The following RNLS variants were observed in gnomAD, a reference collection of about 807,000 sequenced individuals.
The protein encoded by RNLS is renalase, FAD dependent amine oxidase.
RNLS carries 39 observed loss-of-function variants against 39.8 expected under a neutral mutation model. That is an observed-to-expected ratio of 0.98 (90% CI 0.76 to 1.28). The LOEUF is 1.28. RNLS is among the 50% of genes most tolerant of loss of function. The pLI is 0.00. For synonymous variants in RNLS, 147 were observed against 150.7 expected (o/e 0.98, Z 0.18); for missense variants, 410 against 413.3 (o/e 0.99, Z 0.07).
the RNLS span, among the ~76,000 whole-genome samples, chr10:88,198,914 C>A: frequency 6.6e-6 from 1 of 152,136 alleles, no homozygotes; most frequent in Non-Finnish European, 1.5e-5. Context: ...ATTATTAATA[C>A]TAATAAAAGT....
chr10:88,387,502 CAAAAAAAAAAAAA>C (rs5786817), intron 4 of RNLS, among the ~76,000 whole-genome samples: 1 of 70,114 alleles, frequency 1.4e-5, no homozygotes. Context: ...GAGAACAGAG[CAAAAAAAAAAAAA>C]AAAAAAAAAG....
At chr10:88,305,435 G>T (rs1451950673) in intron 6 of RNLS, among the ~76,000 whole-genome samples, 2 of 152,114 alleles carry the variant, frequency 1.3e-5, no homozygotes, top group African/African-American at 4.8e-5. Context: ...CCATTATGCT[G>T]TCTTCAAGAG....
At chr10:88,306,811 C>G in intron 6 of RNLS, among the ~76,000 whole-genome samples, 1 of 152,246 alleles carries the variant, frequency 6.6e-6, no homozygotes, top group Middle Eastern at 3.4e-3. Flanking sequence ...AGGGACCCCT[C>G]CCTAACTCAT....
At chr10:88,174,193 A>G in the RNLS span, among the ~76,000 whole-genome samples, 3 of 152,146 alleles carry the variant, frequency 2.0e-5, no homozygotes, top group African/African-American at 7.2e-5. Context: ...GTCATCTGCA[A>G]AGAGAGACAA....
intron 5 of RNLS, among the ~76,000 whole-genome samples, chr10:88,316,958 T>C (rs1426618): frequency 0.46 from 69,916 of 151,912 alleles, 16,531 homozygotes; most frequent in South Asian, 0.61. Context: ...TTAAACGTGA[T>C]CAAAGTTTGA....
chr10:88,172,339 AT>A, the RNLS span, among the ~76,000 whole-genome samples: 2 of 151,728 alleles, frequency 1.3e-5, no homozygotes, highest in Non-Finnish European at 2.9e-5. Flanking sequence ...AGCATTTGAT[AT>A]TTTTTTTGTC....
the RNLS span, among the ~76,000 whole-genome samples, chr10:88,213,882 G>A: frequency 6.6e-6 from 1 of 152,070 alleles, no homozygotes; most frequent in East Asian, 1.9e-4. Context: ...TTTGATACTG[G>A]ATCTCTATAT....
chr10:88,466,540 T>C (rs1843214722), intron 4 of RNLS, among the ~76,000 whole-genome samples: 1 of 152,174 alleles, frequency 6.6e-6, no homozygotes, highest in Non-Finnish European at 1.5e-5. Context: ...ATGGGCTTCC[T>C]ATTGTTCAAT....
chr10:88,191,502 T>C, the RNLS span, among the ~76,000 whole-genome samples: 1 of 152,246 alleles, frequency 6.6e-6, no homozygotes, highest in Non-Finnish European at 1.5e-5. Flanking sequence ...TCAATTAACC[T>C]AGAGAGTTCT....
At chr10:88,558,354 A>C (rs1848984299) in intron 4 of RNLS, among the ~76,000 whole-genome samples, 2 of 152,200 alleles carry the variant, frequency 1.3e-5, no homozygotes, top group African/African-American at 4.8e-5. Flanking sequence ...AGTGGTTGTG[A>C]AGGGTAAAAA....
intron 5 of RNLS, among the ~76,000 whole-genome samples, chr10:88,355,687 C>T (rs1306895928): frequency 2.6e-5 from 4 of 152,084 alleles, no homozygotes; most frequent in South Asian, 2.1e-4. Flanking sequence ...GCAGTCTGTC[C>T]GTTCTCAGAT....
In RNLS at chr10:88,548,261, CAAAAAAAAAAAAAAAAA is replaced by C. The variant is rs869175046; in HGVS notation, c.526+24625_526+24641del. Among the ~76,000 whole-genome samples, 25 of 32,406 alleles carry C rather than the reference CAAAAAAAAAAAAAAAAA, an allele frequency of 7.7e-4. 2 individuals carry two copies. The highest frequency in any genetic ancestry group is 3.6e-3 in the African/African-American group (18 of 4,984). 21.3% of individuals were successfully genotyped at this position (32,406 alleles called of 152,430 possible). On this transcript the variant is annotated intron_variant, in intron 4 of 6. Transcript: ENST00000331772. ...TGGGCGACAGAGCAAGACTCCGTCT[CAAAAAAAAAAAAAAAAA>C]AAAAAAAAAAAAAAAGAAAAGAAAA... is the stretch of plus-strand genomic sequence containing the variant.
intron 4 of RNLS, among the ~76,000 whole-genome samples, chr10:88,480,984 C>T (rs1173293681): frequency 2.0e-5 from 3 of 151,910 alleles, no homozygotes; most frequent in Non-Finnish European, 4.4e-5. Context: ...TCAGTTTTTG[C>T]TTCATGTATT....
chr10:88,275,079 A>C, intron 6 of RNLS: 1 of 1,363,742 alleles, frequency 7.3e-7, no homozygotes, highest in Non-Finnish European at 1.0e-6. Context: ...ACCCAACACA[A>C]TGGCCTCTGA....
chr10:88,202,301 G>T, the RNLS span, among the ~76,000 whole-genome samples: 1 of 122,786 alleles, frequency 8.1e-6, no homozygotes, highest in Admixed American at 8.9e-5. Context: ...CCTGATGTGG[G>T]GTGGGGGGAG....
At chr10:88,457,399 A>G (rs1842691056) in intron 4 of RNLS, among the ~76,000 whole-genome samples, 1 of 152,228 alleles carries the variant, frequency 6.6e-6, no homozygotes, top group South Asian at 2.1e-4. Flanking sequence ...TGAGAAAAAT[A>G]TCAGAAGCGG....
intron 4 of RNLS, among the ~76,000 whole-genome samples, chr10:88,430,720 T>C (rs1216910671): frequency 6.6e-6 from 1 of 151,816 alleles, no homozygotes; most frequent in Non-Finnish European, 1.5e-5. Context: ...ATATTGGATT[T>C]TGTTAAATGC....
At chr10:88,174,955 A>G in the RNLS span, among the ~76,000 whole-genome samples, 1 of 152,252 alleles carries the variant, frequency 6.6e-6, no homozygotes, top group Middle Eastern at 3.4e-3. Flanking sequence ...TGGACTGTTC[A>G]GGTATTCTAT....
the RNLS span, among the ~76,000 whole-genome samples, chr10:88,264,738 C>T: frequency 6.6e-6 from 1 of 152,228 alleles, no homozygotes; most frequent in Non-Finnish European, 1.5e-5. Flanking sequence ...GGATATTAGG[C>T]CTTGGTTGGA....
Sources: allele counts gnomAD v4.1 joint callset (sites outside exome capture counted in the v4.1 genomes callset), GRCh38; gene constraint gnomAD v4.1.1; transcripts MANE v1.5; gene names NCBI Gene and HGNC (gene_info 2026-07-23, HGNC 2026-07-21).